The following GRIA2 variants were observed in gnomAD, a reference collection of about 807,000 sequenced individuals.
GRIA2 encodes glutamate receptor 2.
A neutral mutation model predicts 97.3 loss-of-function variants in GRIA2; 14 were observed. That is an observed-to-expected ratio of 0.14 (90% CI 0.10 to 0.23). The LOEUF is 0.23. Ranked by LOEUF, GRIA2 falls within the 10% of genes least tolerant of loss-of-function variation. GRIA2 has a pLI of 1.00. For missense variants in GRIA2, 558 were observed against 1,069.8 expected (o/e 0.52, Z 6.67); for synonymous variants, 412 against 387.8 (o/e 1.06, Z -0.73).
intron 12 of GRIA2, among the ~76,000 whole-genome samples, chr4:157,353,004 G>A (rs1736083068): frequency 6.6e-6 from 1 of 151,898 alleles, no homozygotes; most frequent in South Asian, 2.1e-4. Flanking sequence ...ATTACAGTGA[G>A]CCGAGATCGT....
At chr4:157,229,388 C>T (rs922748140) in intron 2 of GRIA2, among the ~76,000 whole-genome samples, 2 of 152,136 alleles carry the variant, frequency 1.3e-5, no homozygotes, top group African/African-American at 4.8e-5. Context: ...CTTGATACTA[C>T]TCCAGCCTGG....
chr4:157,231,405 G>A (rs938194040), intron 2 of GRIA2, among the ~76,000 whole-genome samples: 1 of 152,010 alleles, frequency 6.6e-6, no homozygotes, highest in African/African-American at 2.4e-5. Context: ...TTGAACTCCT[G>A]GCCTTAAGCG....
chr4:157,242,389 G>A (rs995520204), intron 2 of GRIA2, among the ~76,000 whole-genome samples: 9 of 152,170 alleles, frequency 5.9e-5, no homozygotes, highest in Admixed American at 1.3e-4. Context: ...TAATGGAGAT[G>A]ATTTGTTGCC....
intron 2 of GRIA2, among the ~76,000 whole-genome samples, chr4:157,222,386 C>G (rs1277428599): frequency 1.3e-5 from 2 of 151,974 alleles, no homozygotes; most frequent in East Asian, 1.9e-4. Context: ...GAAATGGTTC[C>G]GGAGTTGGGA....
At chr4:157,231,959 T>C (rs1165255455) in intron 2 of GRIA2, among the ~76,000 whole-genome samples, 2 of 152,202 alleles carry the variant, frequency 1.3e-5, no homozygotes, top group East Asian at 3.8e-4. Flanking sequence ...AATTCTCAAA[T>C]GATATGTAAT....
intron 12 of GRIA2, among the ~76,000 whole-genome samples, chr4:157,353,031 C>A (rs1454203409): frequency 2.0e-5 from 3 of 151,900 alleles, no homozygotes; most frequent in African/African-American, 7.3e-5. Context: ...GCACTTCAGC[C>A]TGGGCGACAG....
chr4:157,260,333 A>C (rs1385853878), intron 2 of GRIA2, among the ~76,000 whole-genome samples: 1 of 152,106 alleles, frequency 6.6e-6, no homozygotes, highest in Non-Finnish European at 1.5e-5. Context: ...TGGCTTAATC[A>C]ATATAAAGCT....
At chr4:157,272,640 C>G (rs1732086641) in intron 2 of GRIA2, among the ~76,000 whole-genome samples, 2 of 152,054 alleles carry the variant, frequency 1.3e-5, no homozygotes, top group Admixed American at 1.3e-4. Context: ...GTGCTTCTGG[C>G]AGGGAGAGGG....
chr4:157,332,994 A>C lies in GRIA2; in HGVS notation c.1050+8A>C, dbSNP rs767368130. On this transcript the variant is annotated splice_region_variant and intron_variant, in intron 7 of 15. Coordinates refer to ENST00000264426, the MANE Select transcript of GRIA2 (RefSeq NM_001083619.3). ...GAAAGGGCCCTCAAACAGGTCAGTTACTCAAAATAATCGTTAACGTGACTT... is the reference window on the plus strand; with the variant it reads ...GAAAGGGCCCTCAAACAGGTCAGTTCCTCAAAATAATCGTTAACGTGACTT... The C allele has an allele frequency of 6.3e-7, 1 of 1,587,192 alleles. No homozygotes were observed. The highest frequency in any genetic ancestry group is 1.1e-5 in the South Asian group (1 of 87,494).
In GRIA2 at chr4:157,312,766, A is replaced by G. The variant is rs754316215; in HGVS notation, c.557A>G (p.Asp186Gly). 6.2e-6 allele frequency: 10 copies of G among 1,609,790 alleles called. No individual in the cohort carries two copies. In the African/African-American group the frequency reaches 1.1e-4, roughly 17 times the overall value. The change falls in exon 4 of 16, where the codon GAC (aspartate) becomes GGC (glycine). Residue 186 changes from aspartate to glycine, a missense_variant. Asp to Gly is a moderately conservative substitution (Grantham distance 94). Transcript: ENST00000264426. ...ATCAATGTGGGAAACATTAACAATG[A>G]CAAGAAAGATGAGATGTACCGATCA... ...TAINVGNINN[D>G]KKDEMYRSLF...
chr4:157,286,909 G>A (rs1732871828), intron 2 of GRIA2, among the ~76,000 whole-genome samples: 1 of 151,360 alleles, frequency 6.6e-6, no homozygotes, highest in Admixed American at 6.6e-5. Context: ...TGTTTTCCTG[G>A]ATAAACAGTA....
At chr4:157,250,181 T>A (rs1730960432) in intron 2 of GRIA2, among the ~76,000 whole-genome samples, 1 of 152,124 alleles carries the variant, frequency 6.6e-6, no homozygotes, top group Non-Finnish European at 1.5e-5. Flanking sequence ...TATAACTGCT[T>A]CAAGATTATA....
intron 2 of GRIA2, among the ~76,000 whole-genome samples, chr4:157,271,459 T>A (rs181729523): frequency 6.6e-6 from 1 of 152,180 alleles, no homozygotes; most frequent in East Asian, 1.9e-4. Context: ...GTCACAGAAC[T>A]CAGGGAAACA....
At chr4:157,355,703 T>A (rs1275209501) in intron 12 of GRIA2, among the ~76,000 whole-genome samples, 2 of 119,026 alleles carry the variant, frequency 1.7e-5, no homozygotes, top group African/African-American at 6.7e-5. Flanking sequence ...TTTATATATA[T>A]TTGTATATAT....
intron 2 of GRIA2, among the ~76,000 whole-genome samples, chr4:157,222,543 A>G (rs985830573): frequency 2.6e-5 from 4 of 152,056 alleles, no homozygotes; most frequent in Non-Finnish European, 5.9e-5. Context: ...GCTTCCGCTT[A>G]AGTTGGAGGG....
At chr4:157,232,095 TC>T (rs1730046069) in intron 2 of GRIA2, among the ~76,000 whole-genome samples, 1 of 152,202 alleles carries the variant, frequency 6.6e-6, no homozygotes, top group Admixed American at 6.5e-5. Flanking sequence ...ATTAGTTTGG[TC>T]TATATATTTG....
chr4:157,268,821 A>T (rs1400076724), intron 2 of GRIA2, among the ~76,000 whole-genome samples: 2 of 152,128 alleles, frequency 1.3e-5, no homozygotes, highest in Non-Finnish European at 2.9e-5. Context: ...ATGATGATTT[A>T]TGAAAAAATA....
chr4:157,346,110 A>T (rs2126961216), intron 12 of GRIA2, among the ~76,000 whole-genome samples: 1 of 152,248 alleles, frequency 6.6e-6, no homozygotes, highest in East Asian at 1.9e-4. Flanking sequence ...AATTAAAATA[A>T]TTGAGAGTAT....
intron 2 of GRIA2, among the ~76,000 whole-genome samples, chr4:157,242,284 A>G (rs1288146972): frequency 6.6e-6 from 1 of 152,080 alleles, no homozygotes; most frequent in Non-Finnish European, 1.5e-5. Flanking sequence ...TCAGTGGAAA[A>G]AAACTATTAA....
Sources: allele counts gnomAD v4.1 joint callset (sites outside exome capture counted in the v4.1 genomes callset), GRCh38; gene constraint gnomAD v4.1.1; transcripts MANE v1.5; gene names NCBI Gene and HGNC (gene_info 2026-07-23, HGNC 2026-07-21).